ZNF675: variants seen among roughly 807,000 people sequenced by gnomAD.
ZNF675 encodes the protein zinc finger protein 675.
ZNF675 carries 36 observed loss-of-function variants against 56.1 expected under a neutral mutation model. The ratio of observed to expected loss-of-function variants is 0.64; its 90% CI spans 0.49 to 0.85. The LOEUF (loss-of-function observed/expected upper bound fraction) is 0.85, where lower values mean the gene tolerates loss of function less well. ZNF675 is among the 40% of genes least tolerant of loss of function. The pLI, the probability that ZNF675 is intolerant of heterozygous loss-of-function variation, is 0.00. For synonymous variants in ZNF675, 200 were observed against 218.9 expected (o/e 0.91, Z 0.76); for missense variants, 663 against 654.2 (o/e 1.01, Z -0.15).
At chr19:23,682,307 T>C (rs1968387279) in intron 1 of ZNF675, among the ~76,000 whole-genome samples, 1 of 151,828 alleles carries the variant, frequency 6.6e-6, no homozygotes, top group Admixed American at 6.6e-5. Context: ...ATTTTCTTTC[T>C]AATCTTGTTT....
At chr19:23,676,933 G>A (rs796435216) in intron 1 of ZNF675, among the ~76,000 whole-genome samples, 16 of 151,216 alleles carry the variant, frequency 1.1e-4, no homozygotes, top group Admixed American at 2.0e-4. Context: ...AATTAGCCAC[G>A]CGTGGTGGCG....
intron 3 of ZNF675, among the ~76,000 whole-genome samples, chr19:23,660,347 G>A (rs1265060597): frequency 1.3e-5 from 2 of 152,212 alleles, no homozygotes; most frequent in African/African-American, 4.8e-5. Context: ...CATTGTCAAT[G>A]CTGCTAGTTT....
chr19:23,666,196 T>C (rs1968148470), intron 1 of ZNF675, among the ~76,000 whole-genome samples: 1 of 152,264 alleles, frequency 6.6e-6, no homozygotes, highest in Admixed American at 6.5e-5. Flanking sequence ...TCCCCACCTT[T>C]TCTGTGAGGC....
At chr19:23,683,995 C>T (rs1322100125) in intron 1 of ZNF675, among the ~76,000 whole-genome samples, 1 of 152,086 alleles carries the variant, frequency 6.6e-6, no homozygotes, top group Non-Finnish European at 1.5e-5. Context: ...GGCGTGGTGG[C>T]TCACGCCTGT....
At chr19:23,659,193 G>C (rs1306684474) in intron 3 of ZNF675, among the ~76,000 whole-genome samples, 1 of 151,914 alleles carries the variant, frequency 6.6e-6, no homozygotes, top group Non-Finnish European at 1.5e-5. Context: ...TAAATATGGA[G>C]TGCCTACAAA....
At chr19:23,663,209 A>G in intron 1 of ZNF675, 51 bp from the exon 2 acceptor site, 2 of 1,567,490 alleles carry the variant, frequency 1.3e-6, no homozygotes, top group African/African-American at 1.4e-5. Context: ...AACAGAGATT[A>G]TAATTTGACT....
intron 3 of ZNF675, among the ~76,000 whole-genome samples, chr19:23,657,999 T>A (rs745618352): frequency 6.6e-6 from 1 of 152,140 alleles, no homozygotes; most frequent in Admixed American, 6.5e-5. Context: ...TAATATGGAA[T>A]GGCAAAACCA....
chr19:23,682,458 A>C (rs1968389469), intron 1 of ZNF675, among the ~76,000 whole-genome samples: 2 of 151,818 alleles, frequency 1.3e-5, no homozygotes, highest in Non-Finnish European at 2.9e-5. Flanking sequence ...AAACTGCCTC[A>C]AAACAATAAT....
rs761435566 is a variant in ZNF675, at chr19:23,653,881, C to T, written c.1052G>A (p.Arg351Gln). 3 of 1,612,524 alleles carry T rather than the reference C, an allele frequency of 1.9e-6. No homozygotes were observed. Among genetic ancestry groups the T allele is most frequent in the East Asian group, 2.2e-5 (1 of 44,760 alleles). ...TTTATGTTCAGTAAGTTTTGAGGAT[C>T]GGTTAAAAGCTTTTCCACATTCTTC... ...KCEECGKAFNRSSKLTEHKNI... is the reference protein window; with the variant it reads ...KCEECGKAFNQSSKLTEHKNI... Residue 351 changes from arginine (R) to glutamine (Q), a missense_variant, in exon 4 of 4, where the codon CGA becomes CAA. Transcript: ENST00000359788.
intron 1 of ZNF675, among the ~76,000 whole-genome samples, chr19:23,665,912 GT>G (rs1568291699): frequency 1.3e-5 from 2 of 152,170 alleles, no homozygotes; most frequent in African/African-American, 4.8e-5. Context: ...CAGCACTCTT[GT>G]TACAACACAA....
intron 1 of ZNF675, among the ~76,000 whole-genome samples, chr19:23,672,489 T>C (rs906862702): frequency 2.0e-5 from 3 of 152,214 alleles, no homozygotes; most frequent in African/African-American, 4.8e-5. Context: ...TATTTCCATG[T>C]TGACATCTCA....
intron 1 of ZNF675, among the ~76,000 whole-genome samples, chr19:23,680,228 AG>A (rs1246564868): frequency 4.0e-5 from 6 of 151,138 alleles, no homozygotes; most frequent in African/African-American, 1.5e-4. Flanking sequence ...GCTTGAACCT[AG>A]GAGGCGGAGG....
chr19:23,673,487 A>G (rs1260150805), intron 1 of ZNF675, among the ~76,000 whole-genome samples: 2 of 152,214 alleles, frequency 1.3e-5, no homozygotes, highest in East Asian at 3.8e-4. Flanking sequence ...TCAATACCAA[A>G]TAGGAGAGAC....
chr19:23,653,009 A>G lies in ZNF675; in HGVS notation c.*217T>C. 1 of 435,490 alleles carries G rather than the reference A, an allele frequency of 2.3e-6. No homozygotes were observed. Among genetic ancestry groups the G allele is most frequent in the Non-Finnish European group, 4.0e-6 (1 of 250,080 alleles). The allele number at this position is 435,490 out of a possible 1,614,324, so 27.0% of individuals were successfully genotyped here. ...CTTTATATTTGTACAATTTTTCTTA[A>G]GTATAAACGCTTTCCTGTGCAATAA... is the stretch of plus-strand genomic sequence containing the variant. On this transcript the variant is annotated 3_prime_UTR_variant, in exon 4 of 4. Transcript: ENST00000359788.
chr19:23,667,713 T>C (rs139865051), intron 1 of ZNF675, among the ~76,000 whole-genome samples: 1,650 of 147,042 alleles, frequency 0.011, 35 homozygotes, highest in African/African-American at 0.04. Flanking sequence ...AAACACACGG[T>C]GCTGATTGGA....
At chr19:23,679,626 G>A (rs1227327547) in intron 1 of ZNF675, among the ~76,000 whole-genome samples, 1 of 150,676 alleles carries the variant, frequency 6.6e-6, no homozygotes, top group Admixed American at 6.6e-5. Flanking sequence ...TTTGACAAAG[G>A]TCTAATATCC....
At chr19:23,670,803 A>G (rs1353600691) in intron 1 of ZNF675, among the ~76,000 whole-genome samples, 1 of 152,176 alleles carries the variant, frequency 6.6e-6, no homozygotes, top group Non-Finnish European at 1.5e-5. Context: ...TTGATCTCTC[A>G]TGGAGAGATG....
chr19:23,673,680 G>C (rs540032169), intron 1 of ZNF675, among the ~76,000 whole-genome samples: 1 of 152,040 alleles, frequency 6.6e-6, no homozygotes, highest in Admixed American at 6.6e-5. Context: ...TTTCTGGTTG[G>C]GGGCAAGGGG....
At chr19:23,668,082 G>A (rs1968178068) in intron 1 of ZNF675, among the ~76,000 whole-genome samples, 1 of 146,430 alleles carries the variant, frequency 6.8e-6, no homozygotes, top group African/African-American at 2.5e-5. Context: ...GTTCTCCAAG[G>A]CCCCACCAGA....
Sources: gnomAD v4.1 joint callset for allele counts (sites outside exome capture counted in the v4.1 genomes callset) on GRCh38, gnomAD v4.1.1 for gene constraint, MANE v1.5 for transcripts, NCBI Gene and HGNC (gene_info 2026-07-23, HGNC 2026-07-21) for gene names.